Variants in SPIN1 observed in about 807,000 individuals in gnomAD.
SPIN1 encodes spindlin 1, also known as spindlin-1.
SPIN1 carries 3 observed loss-of-function variants against 26.0 expected under a neutral mutation model. That is an observed-to-expected ratio of 0.12 (90% CI 0.05 to 0.30). The LOEUF (loss-of-function observed/expected upper bound fraction) is 0.30, where lower values mean the gene tolerates loss of function less well. Among genes scored for constraint, SPIN1 ranks in the 10% least tolerant of loss-of-function variants. The probability of loss-of-function intolerance (pLI) is 1.00; values close to 1 mark genes in which losing one functional copy is unlikely to be tolerated. For missense variants in SPIN1, 126 were observed against 333.4 expected (o/e 0.38, Z 4.84); for synonymous variants, 101 against 116.5 (o/e 0.87, Z 0.86).
intron 3 of SPIN1, among the ~76,000 whole-genome samples, chr9:88,453,153 T>C (rs1828397765): frequency 6.6e-6 from 1 of 152,194 alleles, no homozygotes; most frequent in African/African-American, 2.4e-5. Context: ...TTTTAAATTT[T>C]TTATTTTCCC....
intron 5 of SPIN1, among the ~76,000 whole-genome samples, chr9:88,469,958 A>G (rs1226699048): frequency 6.6e-6 from 1 of 152,170 alleles, no homozygotes. Flanking sequence ...AAAACTTTGT[A>G]TCTGTTAGCT....
At chr9:88,405,106 A>G (rs1276003439) in intron 1 of SPIN1, among the ~76,000 whole-genome samples, 1 of 152,150 alleles carries the variant, frequency 6.6e-6, no homozygotes, top group African/African-American at 2.4e-5. Context: ...TTTTACAGTT[A>G]ACTTTTTTTA....
chr9:88,435,318 C>T lies in SPIN1; in HGVS notation c.52+8727C>T, dbSNP rs1169882. On this transcript the variant is annotated intron_variant, in intron 2 of 5. Transcript: ENST00000375859. ...GCAGCCTCGACCTCCTGGACTCAAGCGAATCTCCTACCTCAGCCTCTAAGT... is the reference window on the plus strand; with the variant it reads ...GCAGCCTCGACCTCCTGGACTCAAGTGAATCTCCTACCTCAGCCTCTAAGT... 3.4e-3 allele frequency among the ~76,000 whole-genome samples: 516 copies of T among 151,788 alleles called. 2 individuals carry two copies. The highest frequency in any genetic ancestry group is 5.7e-3 in the Non-Finnish European group (387 of 67,934).
intron 1 of SPIN1, among the ~76,000 whole-genome samples, chr9:88,419,529 G>C (rs930140675): frequency 1.3e-5 from 2 of 152,104 alleles, no homozygotes; most frequent in African/African-American, 2.4e-5. Context: ...AGAAAATTTT[G>C]TATTTGAGTG....
intron 2 of SPIN1, among the ~76,000 whole-genome samples, chr9:88,431,198 A>G (rs1827862913): frequency 6.9e-6 from 1 of 144,812 alleles, no homozygotes; most frequent in Non-Finnish European, 1.5e-5. Context: ...TTTATGATAT[A>G]TTTTAATCAT....
chr9:88,406,038 T>TGTGTGTGTGTGTGTGTGTAC (rs1554691972), intron 1 of SPIN1, among the ~76,000 whole-genome samples: 4 of 148,302 alleles, frequency 2.7e-5, no homozygotes, highest in Admixed American at 2.7e-4. Flanking sequence ...TGTGTGTGTG[T>TGTGTGTGTGTGTGTGTGTAC]GTGTACGTGT....
At chr9:88,431,627 C>T (rs539680442) in intron 2 of SPIN1, among the ~76,000 whole-genome samples, 10 of 152,200 alleles carry the variant, frequency 6.6e-5, no homozygotes, top group East Asian at 3.9e-4. Flanking sequence ...TTGTGTGTGT[C>T]CAGTGGGTTT....
intron 1 of SPIN1, chr9:88,410,574 A>G (rs1304140588): frequency 1.8e-5 from 15 of 843,558 alleles, no homozygotes; most frequent in African/African-American, 5.0e-5. Context: ...TACTGGAACC[A>G]CCATAGTAGC....
At chr9:88,427,396 C>G (rs892452256) in intron 2 of SPIN1, among the ~76,000 whole-genome samples, 12 of 152,078 alleles carry the variant, frequency 7.9e-5, no homozygotes, top group Non-Finnish European at 4.4e-5. Context: ...ATTTTAGCTT[C>G]TCTTTTATAA....
At chr9:88,442,086 G>C (rs1828146355) in intron 2 of SPIN1, among the ~76,000 whole-genome samples, 1 of 150,916 alleles carries the variant, frequency 6.6e-6, no homozygotes, top group South Asian at 2.1e-4. Context: ...CAAGTAGCTA[G>C]GATTACAGGC....
At chr9:88,404,741 C>G (rs1827258265) in intron 1 of SPIN1, among the ~76,000 whole-genome samples, 1 of 151,910 alleles carries the variant, frequency 6.6e-6, no homozygotes. Context: ...CATGGTGAAA[C>G]CCTGTCTCTA....
intron 2 of SPIN1, among the ~76,000 whole-genome samples, chr9:88,438,520 G>T (rs1461197522): frequency 6.6e-6 from 1 of 152,074 alleles, no homozygotes; most frequent in African/African-American, 2.4e-5. Flanking sequence ...TTTGTATTCT[G>T]CTCCTGTTGG....
chr9:88,470,580 A>G (rs1828760939), intron 5 of SPIN1, among the ~76,000 whole-genome samples: 2 of 145,648 alleles, frequency 1.4e-5, no homozygotes, highest in Admixed American at 6.7e-5. Flanking sequence ...AGCATCTTTC[A>G]TATGCTTATT....
At chr9:88,423,084 G>A (rs1281671201) in intron 1 of SPIN1, among the ~76,000 whole-genome samples, 4 of 152,140 alleles carry the variant, frequency 2.6e-5, no homozygotes, top group East Asian at 3.9e-4. Context: ...CCCCCACTGC[G>A]ACTCTTCCTT....
chr9:88,476,929 C>G lies in SPIN1; in HGVS notation c.*1652C>G, dbSNP rs540589884. ...GTGGCTGTTCTTGATGGTTTCCAGG[C>G]CTCGTTATGCATGGTTTGCTTGATG... On this transcript the variant is annotated 3_prime_UTR_variant, in exon 6 of 6. Transcript: ENST00000375859. The G allele has an allele frequency of 6.6e-6, 1 of 152,182 alleles. No individual in the cohort carries two copies. Among genetic ancestry groups the G allele is most frequent in the Admixed American group, 6.5e-5 (1 of 15,274 alleles). The allele number at this position is 152,182 out of a possible 1,614,324, so 9.4% of individuals were successfully genotyped here.
intron 3 of SPIN1, among the ~76,000 whole-genome samples, chr9:88,453,732 G>C (rs1828409869): frequency 6.6e-6 from 1 of 152,108 alleles, no homozygotes. Flanking sequence ...CTCCATGTTG[G>C]TCAGGCAGGT....
Position 88,457,945 on chromosome 9 carries a change from A to T in SPIN1, c.102-4551A>T, listed in dbSNP as rs531560118. 450 of 985,234 alleles carry T rather than the reference A, an allele frequency of 4.6e-4. 1 individual carries two copies. Among genetic ancestry groups the T allele is most frequent in the South Asian group, 9.4e-4 (20 of 21,286 alleles). 61.0% of individuals were successfully genotyped at this position (985,234 alleles called of 1,614,324 possible). Reference sequence around the variant, plus strand: ...TGTAACAAAAGTCTACATTTCAGCAATGCAGTAGAATTAGCCAGGTAAGGT... The same window carrying T: ...TGTAACAAAAGTCTACATTTCAGCATTGCAGTAGAATTAGCCAGGTAAGGT... On this transcript the variant is annotated intron_variant, in intron 3 of 5. Transcript: ENST00000375859.
chr9:88,391,899 C>T (rs1330889275), intron 1 of SPIN1: 2 of 152,166 alleles, frequency 1.3e-5, no homozygotes, highest in Admixed American at 6.6e-5. Flanking sequence ...GTGATGCCAG[C>T]TCTCAAATTG....
At chr9:88,428,124 A>G (rs1323615249) in intron 2 of SPIN1, among the ~76,000 whole-genome samples, 2 of 152,230 alleles carry the variant, frequency 1.3e-5, no homozygotes, top group Non-Finnish European at 2.9e-5. Context: ...TTCCTTTTCT[A>G]AAGTTCATAT....
Sources: gnomAD v4.1 joint callset for allele counts (sites outside exome capture counted in the v4.1 genomes callset) on GRCh38, gnomAD v4.1.1 for gene constraint, MANE v1.5 for transcripts, NCBI Gene and HGNC (gene_info 2026-07-23, HGNC 2026-07-21) for gene names.